The following JARID2 variants were observed in gnomAD, a reference collection of about 807,000 sequenced individuals.
JARID2 encodes protein Jumonji.
A neutral mutation model predicts 125.6 loss-of-function variants in JARID2; 21 were observed. The ratio of observed to expected loss-of-function variants is 0.17; its 90% CI spans 0.12 to 0.24. JARID2 has a LOEUF of 0.24. JARID2 is among the 10% of genes least tolerant of loss of function. The pLI is 1.00. For synonymous variants in JARID2, 736 were observed against 661.6 expected, an observed-to-expected ratio of 1.11 and a Z score of -1.73; for missense variants, 1,303 against 1,639.6, an observed-to-expected ratio of 0.79 and a Z score of 3.55.
rs117213434 is a variant in JARID2 at position 15,291,699 on chromosome 6, G to T, written c.45+45115G>T. ...GGTGCCTACATGCATATTCTAAAAT[G>T]TTGTTTTCTCTAGAAGTAACACAGA... On this transcript the variant is annotated intron_variant, in intron 1 of 17. Coordinates refer to ENST00000341776, the MANE Select transcript of JARID2 (RefSeq NM_004973.4). 8.8e-3 allele frequency among the ~76,000 whole-genome samples: 1,333 copies of T among 152,246 alleles called. 47 individuals carry two copies. The highest frequency in any genetic ancestry group is 0.059 in the Admixed American group (908 of 15,290).
In JARID2 at chr6:15,358,018, TTTTCTA is replaced by T. The variant is rs530690561; in HGVS notation, c.46-16095_46-16090del. On this transcript the variant is annotated intron_variant, in intron 1 of 17. Coordinates refer to ENST00000341776, the MANE Select transcript of JARID2 (RefSeq NM_004973.4). ...TTCTGACTCAGGAAGCCCATCTCCT[TTTTCTA>T]TTTACGGTAATTACTAGAGAGCATT... is the stretch of plus-strand genomic sequence containing the variant. 2.6e-5 allele frequency among the ~76,000 whole-genome samples: 4 copies of T among 152,320 alleles called. No homozygotes were observed. The South Asian group carries it at 6.2e-4, about 24-fold the overall frequency.
chr6:15,501,365 G>C lies in JARID2; in HGVS notation c.2404G>C (p.Glu802Gln). 6.3e-7 allele frequency: 1 copy of C among 1,574,912 alleles called. No individual in the cohort carries two copies. The highest frequency in any genetic ancestry group is 1.2e-5 in the South Asian group (1 of 86,524). Residue 802 changes from glutamate (E) to glutamine (Q), a missense_variant, in exon 8 of 18, where the codon GAG becomes CAG. By Grantham distance (29) the Glu-to-Gln change is conservative. This residue lies in a region of JARID2 where 124 missense variants were observed against 131.0 expected (regional missense o/e 0.95). Transcript: ENST00000341776. The stretch of plus-strand genomic sequence containing the variant: ...AAAAGAAGTGGTCAAGGAAGAGGAG[G>C]AGGACAAAGGCGTCCTCAATGACTT... ...QEKEVVKEEE[E>Q]DKGVLNDFHK...
chr6:15,468,098 C>T (rs186125254), intron 4 of JARID2, among the ~76,000 whole-genome samples: 342 of 151,130 alleles, frequency 2.3e-3, no homozygotes, highest in Non-Finnish European at 3.8e-3. Flanking sequence ...AATGAATATT[C>T]CTTATGAATA....
chr6:15,503,934 A>G lies in JARID2; in HGVS notation c.2449-566A>G, dbSNP rs141649985. On this transcript the variant is annotated intron_variant, in intron 8 of 17. Transcript: ENST00000341776. ...GCATCGAAGAAGAGGCGCAGAGGGG[A>G]CAGCAGGTGGTTCTGTGGAGAGAAG... 2.3e-4 allele frequency among the ~76,000 whole-genome samples: 35 copies of G among 152,328 alleles called. No homozygotes were observed. The East Asian group carries it at 5.2e-3, about 23-fold the overall frequency.
At chr6:15,399,428 T>C (rs1306346248) in intron 2 of JARID2, among the ~76,000 whole-genome samples, 3 of 152,204 alleles carry the variant, frequency 2.0e-5, no homozygotes, top group African/African-American at 7.2e-5. Context: ...TGTATAATTA[T>C]GATTTTAAAG....
chr6:15,260,730 A>G (rs150570206), intron 1 of JARID2, among the ~76,000 whole-genome samples: 29 of 152,354 alleles, frequency 1.9e-4, no homozygotes, highest in African/African-American at 6.5e-4. Flanking sequence ...TGATGCTATT[A>G]AAATGGGTTT....
intron 2 of JARID2, among the ~76,000 whole-genome samples, chr6:15,374,555 T>C (rs1482597989): frequency 1.3e-5 from 2 of 152,236 alleles, no homozygotes; most frequent in Admixed American, 6.5e-5. Context: ...TCTTTGATGA[T>C]CTTGCTGAAA....
intron 1 of JARID2, among the ~76,000 whole-genome samples, chr6:15,250,747 T>C (rs1439069546): frequency 6.6e-6 from 1 of 152,190 alleles, no homozygotes; most frequent in Non-Finnish European, 1.5e-5. Flanking sequence ...TGTTTCCTCA[T>C]AGTGGGTTAA....
intron 1 of JARID2, among the ~76,000 whole-genome samples, chr6:15,337,905 C>G (rs959174533): frequency 2.0e-5 from 3 of 152,086 alleles, no homozygotes; most frequent in Non-Finnish European, 2.9e-5. Flanking sequence ...CAGGCAGAGG[C>G]CCTAGAAAGA....
chr6:15,505,829 C>T (rs1458061753), intron 9 of JARID2, among the ~76,000 whole-genome samples: 1 of 152,270 alleles, frequency 6.6e-6, no homozygotes, highest in East Asian at 1.9e-4. Flanking sequence ...ACACGTGTGG[C>T]TTCCGCAGCT....
At chr6:15,413,008 G>GTTGTTTTT (rs1765958446) in intron 3 of JARID2, among the ~76,000 whole-genome samples, 1 of 47,474 alleles carries the variant, frequency 2.1e-5, no homozygotes, top group African/African-American at 1.0e-4. Flanking sequence ...TTGTGTTTTT[G>GTTGTTTTT]TTTTTTTTTT....
intron 4 of JARID2, among the ~76,000 whole-genome samples, chr6:15,462,670 A>C (rs1401200151): frequency 6.6e-6 from 1 of 152,268 alleles, no homozygotes; most frequent in East Asian, 1.9e-4. Context: ...AATTGGGTCA[A>C]GCAATAGAAT....
intron 1 of JARID2, among the ~76,000 whole-genome samples, chr6:15,302,976 G>A (rs949683248): frequency 2.0e-5 from 3 of 152,046 alleles, no homozygotes; most frequent in African/African-American, 4.8e-5. Context: ...CACCCACCTC[G>A]GCCTCCCAAA....
At chr6:15,346,778 C>T (rs1441038062) in intron 1 of JARID2, among the ~76,000 whole-genome samples, 1 of 151,484 alleles carries the variant, frequency 6.6e-6, no homozygotes, top group East Asian at 1.9e-4. Flanking sequence ...CTTTGTCACC[C>T]AGTCTGGAGC....
At chr6:15,419,088 T>C (rs919597474) in intron 3 of JARID2, among the ~76,000 whole-genome samples, 10 of 152,308 alleles carry the variant, frequency 6.6e-5, no homozygotes, top group Admixed American at 2.6e-4. Context: ...GTATCAAAAA[T>C]AAATTAGTAG....
intron 3 of JARID2, among the ~76,000 whole-genome samples, chr6:15,419,108 C>G (rs1423545296): frequency 6.6e-6 from 1 of 151,810 alleles, no homozygotes; most frequent in Non-Finnish European, 1.5e-5. Context: ...GTATAATTTA[C>G]TATTAAATGC....
intron 12 of JARID2, among the ~76,000 whole-genome samples, chr6:15,511,046 T>TA (rs1385623310): frequency 6.6e-6 from 1 of 152,162 alleles, no homozygotes; most frequent in African/African-American, 2.4e-5. Flanking sequence ...CAGATCTCCA[T>TA]AAAAGATGAG....
intron 1 of JARID2, among the ~76,000 whole-genome samples, chr6:15,290,048 A>G (rs1398114985): frequency 6.6e-6 from 1 of 152,180 alleles, no homozygotes; most frequent in Non-Finnish European, 1.5e-5. Flanking sequence ...TTTCAAGCAT[A>G]CAGTTTTGTT....
chr6:15,284,410 A>G (rs1395195168), intron 1 of JARID2, among the ~76,000 whole-genome samples: 4 of 152,124 alleles, frequency 2.6e-5, no homozygotes, highest in Non-Finnish European at 4.4e-5. Flanking sequence ...CATACATCCC[A>G]TGGATATATA....
Sources: allele counts gnomAD v4.1 joint callset (sites outside exome capture counted in the v4.1 genomes callset), GRCh38; gene constraint gnomAD v4.1.1; regional missense constraint gnomAD v4.1.1; transcripts MANE v1.5; gene names NCBI Gene and HGNC (gene_info 2026-07-23, HGNC 2026-07-21).